Variants in CARS2 observed in about 807,000 individuals in gnomAD.
CARS2 encodes probable cysteine--tRNA ligase, mitochondrial.
A neutral mutation model predicts 68.8 loss-of-function variants in CARS2; 52 were observed. The observed-to-expected ratio is 0.76, with a 90% confidence interval of 0.61 to 0.95. The LOEUF is 0.95. Among genes scored for constraint, CARS2 ranks in the 40% least tolerant of loss-of-function variants. CARS2 has a pLI of 0.00. For missense variants in CARS2, 780 were observed against 754.2 expected, an observed-to-expected ratio of 1.03 and a Z score of -0.40; for synonymous variants, 314 against 303.6, an observed-to-expected ratio of 1.03 and a Z score of -0.36.
At chr13:110,647,285 G>A (rs751934172) in intron 10 of CARS2, 46 bp from the exon 11 acceptor site, 3 of 1,588,994 alleles carry the variant, frequency 1.9e-6, no homozygotes, top group South Asian at 2.2e-5. Flanking sequence ...ACCATGCTGT[G>A]CCCCTGCCCT....
chr13:110,647,550 A>G (rs545832559), intron 10 of CARS2, among the ~76,000 whole-genome samples: 64 of 151,962 alleles, frequency 4.2e-4, no homozygotes, highest in Non-Finnish European at 6.9e-4. Flanking sequence ...CTGGCTCTGG[A>G]AAGAAGGAGC....
chr13:110,651,633 C>T (rs1301600770), intron 9 of CARS2, among the ~76,000 whole-genome samples: 6 of 152,212 alleles, frequency 3.9e-5, no homozygotes, highest in African/African-American at 1.4e-4. Context: ...CTAAAGCATG[C>T]GCTAAGTCTG....
At chr13:110,674,297 T>A (rs113193486) in intron 7 of CARS2, among the ~76,000 whole-genome samples, 1 of 151,944 alleles carries the variant, frequency 6.6e-6, no homozygotes, top group Non-Finnish European at 1.5e-5. Flanking sequence ...GGAGGCATCA[T>A]GCTACCTGAC....
rs867464359 is a variant in CARS2, at chr13:110,646,144, C to T, written c.1194-54G>A. 49 of 1,569,672 alleles carry T rather than the reference C, an allele frequency of 3.1e-5. No individual in the cohort carries two copies. In the South Asian group the frequency reaches 3.5e-4, roughly 11 times the overall value. ...CAGAGGGAGCTCCACTCTCCCCAGGCGGCCCCCACACCAGTCCTTCCCCAG... is the reference window on the plus strand; with the variant it reads ...CAGAGGGAGCTCCACTCTCCCCAGGTGGCCCCCACACCAGTCCTTCCCCAG... On this transcript the variant is annotated intron_variant, in intron 11 of 14. Transcript: ENST00000257347.
chr13:110,705,982 G>GC lies in CARS2; in HGVS notation c.111dup (p.Arg38AlafsTer40). Reference sequence around the variant, plus strand: ...GTGGGCTGCAGCCAGGCCCGCCCGCGCCCCCCGCTCGCCGCCCGGCCCGCA... The same window carrying GC: ...GTGGGCTGCAGCCAGGCCCGCCCGCGCCCCCCCGCTCGCCGCCCGGCCCGCA... On this transcript the variant is annotated frameshift_variant, in exon 1 of 15. Transcript: ENST00000257347. LOFTEE classifies it high-confidence loss of function. This position sits in a 1 kb window ranked among gnomAD's most constrained non-coding sequence, Gnocchi z 4.0. 3.3e-6 allele frequency: 5 copies of GC among 1,507,466 alleles called. No individual in the cohort carries two copies. The highest frequency in any genetic ancestry group is 3.5e-6 in the Non-Finnish European group (4 of 1,132,438). The allele number at this position is 1,507,466 out of a possible 1,614,324, so 93.4% of individuals were successfully genotyped here.
intron 5 of CARS2, among the ~76,000 whole-genome samples, chr13:110,685,551 G>A (rs1368182145): frequency 1.3e-5 from 2 of 152,166 alleles, no homozygotes; most frequent in Non-Finnish European, 2.9e-5. Context: ...ATACTTTAAG[G>A]CGTCATTCAG....
intron 7 of CARS2, among the ~76,000 whole-genome samples, chr13:110,671,660 C>G (rs190125244): frequency 6.6e-6 from 1 of 152,310 alleles, no homozygotes; most frequent in East Asian, 1.9e-4. Flanking sequence ...CATCAACTAA[C>G]GAGCAAAATA....
chr13:110,659,509 T>G (rs1252841439), intron 9 of CARS2, among the ~76,000 whole-genome samples: 12 of 146,940 alleles, frequency 8.2e-5, no homozygotes, highest in African/African-American at 2.8e-4. Flanking sequence ...TTTTTTTTTT[T>G]GTTTGGCCTA....
intron 9 of CARS2, among the ~76,000 whole-genome samples, chr13:110,662,168 G>A (rs568932555): frequency 9.5e-5 from 14 of 147,782 alleles, no homozygotes; most frequent in South Asian, 8.5e-4. Context: ...GCCGGGCTCC[G>A]ACCCACTCTG....
chr13:110,701,224 T>C (rs887617095), intron 3 of CARS2: 3 of 380,602 alleles, frequency 7.9e-6, no homozygotes, highest in African/African-American at 6.3e-5. Flanking sequence ...CCACCACACC[T>C]GACTAATTTT....
In CARS2 at chr13:110,713,499, G is replaced by A. The variant is rs917658315; in HGVS notation, n.37C>T. On this transcript the variant is annotated non_coding_transcript_exon_variant, in exon 1 of 3. Transcript: ENST00000485188. ...CAGCGGCCCTGACGCTGTCCCCTCC[G>A]CGACCCTCGCCTCTGGAAAAAGTGA... is the stretch of plus-strand genomic sequence containing the variant. 4.4e-5 allele frequency: 43 copies of A among 987,048 alleles called. No individual in the cohort carries two copies. The African/African-American group carries it at 7.5e-4, about 17-fold the overall frequency. 61.1% of individuals were successfully genotyped at this position (987,048 alleles called of 1,614,324 possible).
At chr13:110,664,089 G>A in intron 8 of CARS2, 6 of 786,900 alleles carry the variant, frequency 7.6e-6, no homozygotes, top group Non-Finnish European at 9.2e-6. Flanking sequence ...CTCATTTAAG[G>A]AACTCCTGAA....
At position 110,705,400 on chromosome 13, in the gene CARS2, T is replaced by G; in HGVS notation, c.275+121A>C. Reference sequence around the variant, plus strand: ...AGGTTGTAACATTTCCCACAATGCCTGGAATGTAGGAATTATTCTGCATCC... The same window carrying G: ...AGGTTGTAACATTTCCCACAATGCCGGGAATGTAGGAATTATTCTGCATCC... On this transcript the variant is annotated intron_variant, in intron 2 of 14. Transcript: ENST00000257347. The surrounding 1 kb of genome is among the most constrained non-coding windows in gnomAD (Gnocchi z 4.0). 1.5e-6 allele frequency: 1 copy of G among 683,706 alleles called. No homozygotes were observed. The highest frequency in any genetic ancestry group is 2.5e-6 in the Non-Finnish European group (1 of 403,744). The allele number at this position is 683,706 out of a possible 1,614,324, so 42.4% of individuals were successfully genotyped here.
At position 110,653,754 on chromosome 13, in the gene CARS2, G is replaced by T. The variant is rs2062285024; in HGVS notation, c.988-2654C>A. On this transcript the variant is annotated intron_variant, in intron 9 of 14. Transcript: ENST00000257347. This position sits in a 1 kb window ranked among gnomAD's most constrained non-coding sequence, Gnocchi z 5.6. ...TGGAATCTAATCTTTCTAGAGCATT[G>T]AGTTTATACGGACTAAAGGAGAAAC... Among the ~76,000 whole-genome samples the T allele has an allele frequency of 6.6e-6, 1 of 152,182 alleles. No homozygotes were observed. Among genetic ancestry groups the T allele is most frequent in the South Asian group, 2.1e-4 (1 of 4,826 alleles).
chr13:110,676,857 A>T lies in CARS2; in HGVS notation c.785+117T>A. 7.5e-7 allele frequency: 1 copy of T among 1,325,166 alleles called. No individual in the cohort carries two copies. 82.1% of individuals were successfully genotyped at this position (1,325,166 alleles called of 1,614,324 possible). On this transcript the variant is annotated intron_variant, in intron 7 of 14. Transcript: ENST00000257347. This position sits in a 1 kb window ranked among gnomAD's most constrained non-coding sequence, Gnocchi z 4.0. ...CTCCGGCAAAAATCTCTTCCCAAAA[A>T]ATCACCCATGGGCACACGTGCCAGG...
rs144448885 is a variant in CARS2, at chr13:110,650,082, G to A, written c.1054+952C>T. Among the ~76,000 whole-genome samples the A allele has an allele frequency of 4.7e-3, 719 of 151,908 alleles. 8 individuals are homozygous for A. Among genetic ancestry groups the A allele is most frequent in the African/African-American group, 0.017 (686 of 41,410 alleles). ...CTCCTGAGTAGCTGAGATTACAGGTGCATGCCACCAAGCCAATTTTTTTGT... is the reference window on the plus strand; with the variant it reads ...CTCCTGAGTAGCTGAGATTACAGGTACATGCCACCAAGCCAATTTTTTTGT... On this transcript the variant is annotated intron_variant, in intron 10 of 14. Transcript: ENST00000257347.
chr13:110,678,832 C>T (rs946289993), intron 6 of CARS2, among the ~76,000 whole-genome samples: 1 of 151,630 alleles, frequency 6.6e-6, no homozygotes, highest in Non-Finnish European at 1.5e-5. Flanking sequence ...GACCTGGAGA[C>T]GGTGGGAGGG....
chr13:110,669,574 T>A (rs999677042), intron 7 of CARS2, among the ~76,000 whole-genome samples: 6 of 152,204 alleles, frequency 3.9e-5, no homozygotes, highest in Non-Finnish European at 8.8e-5. Context: ...GTGATTTTTT[T>A]AAAACCCATT....
At chr13:110,647,782 C>T (rs11840245) in intron 10 of CARS2, among the ~76,000 whole-genome samples, 4,449 of 92,326 alleles carry the variant, frequency 0.048, 90 homozygotes, top group African/African-American at 0.11. Context: ...TTTCTGTTTA[C>T]ATCTGTTCAT....
Sources: allele counts gnomAD v4.1 joint callset (sites outside exome capture counted in the v4.1 genomes callset), GRCh38; gene constraint gnomAD v4.1.1; non-coding constraint Gnocchi (gnomAD v3.1); transcripts MANE v1.5; gene names NCBI Gene and HGNC (gene_info 2026-07-23, HGNC 2026-07-21).